Variants in RAD51B observed in about 807,000 individuals in gnomAD.
RAD51B encodes DNA repair protein RAD51 homolog 2.
In RAD51B, 38 loss-of-function variants were observed where a neutral mutation model predicts 42.2. The observed-to-expected ratio is 0.90, with a 90% CI of 0.70 to 1.18. The LOEUF is 1.18. RAD51B is among the 50% of genes most tolerant of loss of function. The probability of loss-of-function intolerance (pLI) is 0.00; values close to 1 mark genes in which losing one functional copy is unlikely to be tolerated. For missense variants in RAD51B, 373 were observed against 400.7 expected (o/e 0.93, Z 0.59); for synonymous variants, 154 against 145.2 (o/e 1.06, Z -0.43).
At chr14:68,164,865 T>G (rs989922153) in intron 7 of RAD51B, among the ~76,000 whole-genome samples, 2 of 152,210 alleles carry the variant, frequency 1.3e-5, no homozygotes, top group African/African-American at 4.8e-5. Flanking sequence ...TAATTTTATT[T>G]TCAGTAAACA....
chr14:68,372,808 C>T (rs2083289802), intron 8 of RAD51B, among the ~76,000 whole-genome samples: 3 of 152,190 alleles, frequency 2.0e-5, no homozygotes, highest in Admixed American at 2.0e-4. Context: ...AGAAAACTAA[C>T]AGCATTTGAG....
intron 3 of RAD51B, among the ~76,000 whole-genome samples, chr14:67,828,860 A>G (rs2040927628): frequency 6.6e-6 from 1 of 152,194 alleles, no homozygotes; most frequent in Admixed American, 6.5e-5. Context: ...TTTTTGTATC[A>G]GTACCATACT....
chr14:68,520,104 AAAAC>A (rs58074457), intron 10 of RAD51B, among the ~76,000 whole-genome samples: 52 of 151,826 alleles, frequency 3.4e-4, no homozygotes, highest in Middle Eastern at 3.4e-3. Flanking sequence ...CAGCCAAAAC[AAAAC>A]AAACAAACAA....
At chr14:68,293,999 G>T (rs1457152178) in intron 8 of RAD51B, among the ~76,000 whole-genome samples, 1 of 152,148 alleles carries the variant, frequency 6.6e-6, no homozygotes, top group Non-Finnish European at 1.5e-5. Flanking sequence ...GTTAAAAATT[G>T]TTATAATTAT....
At chr14:68,044,858 G>A (rs2076273579) in intron 7 of RAD51B, among the ~76,000 whole-genome samples, 1 of 152,026 alleles carries the variant, frequency 6.6e-6, no homozygotes, top group Non-Finnish European at 1.5e-5. Flanking sequence ...TTACTGAACT[G>A]TAATCTCTGT....
intron 4 of RAD51B, among the ~76,000 whole-genome samples, chr14:67,839,368 C>G (rs2041351392): frequency 6.6e-6 from 1 of 152,016 alleles, no homozygotes; most frequent in African/African-American, 2.4e-5. Flanking sequence ...GATTATAGGA[C>G]TACTCAGATT....
chr14:68,266,387 G>A (rs1292329002), intron 7 of RAD51B, among the ~76,000 whole-genome samples: 4 of 152,162 alleles, frequency 2.6e-5, no homozygotes, highest in Admixed American at 2.0e-4. Flanking sequence ...AACTTTGCAA[G>A]CCCTGTTTGT....
Position 67,824,004 on chromosome 14 carries a change from A to G in RAD51B, c.84+377A>G, listed in dbSNP as rs192209697. Among the ~76,000 whole-genome samples the G allele has an allele frequency of 1.6e-4, 24 of 152,372 alleles. No homozygotes were observed. In the East Asian group the frequency reaches 4.4e-3, roughly 28 times the overall value. ...CTTATTGATGGAGCATGAGAAATATATAGAGCGGATCTTGCATTTTTAAGC... is the reference window on the plus strand; with the variant it reads ...CTTATTGATGGAGCATGAGAAATATGTAGAGCGGATCTTGCATTTTTAAGC... On this transcript the variant is annotated intron_variant, in intron 2 of 10. Coordinates refer to ENST00000471583, the MANE Select transcript of RAD51B (RefSeq NM_133510.4).
intron 7 of RAD51B, among the ~76,000 whole-genome samples, chr14:68,109,340 G>A (rs1479994790): frequency 6.6e-6 from 1 of 151,940 alleles, no homozygotes; most frequent in Non-Finnish European, 1.5e-5. Flanking sequence ...CTTATGGTAT[G>A]AATTCATACA....
chr14:68,107,889 A>G (rs2077400106), intron 7 of RAD51B, among the ~76,000 whole-genome samples: 1 of 151,840 alleles, frequency 6.6e-6, no homozygotes. Flanking sequence ...GTGACCTTGA[A>G]AGACAGTCCA....
chr14:68,657,336 TC>T (rs1239537208), intron 11 of RAD51B, among the ~76,000 whole-genome samples: 5 of 152,182 alleles, frequency 3.3e-5, no homozygotes, highest in Admixed American at 6.5e-5. Context: ...AGACTCAGTT[TC>T]CCCGTCATTT....
At chr14:68,070,018 G>T (rs773086007) in intron 7 of RAD51B, among the ~76,000 whole-genome samples, 10 of 152,048 alleles carry the variant, frequency 6.6e-5, no homozygotes, top group Admixed American at 1.3e-4. Context: ...GTTTTGATTT[G>T]CATTTCCCTA....
chr14:68,188,947 G>A (rs776381034), intron 7 of RAD51B, among the ~76,000 whole-genome samples: 4 of 151,748 alleles, frequency 2.6e-5, no homozygotes, highest in Admixed American at 2.6e-4. Flanking sequence ...AAACTCGTAT[G>A]TTTATAGCTC....
chr14:68,381,683 A>G (rs895648342), intron 8 of RAD51B, among the ~76,000 whole-genome samples: 5 of 152,136 alleles, frequency 3.3e-5, no homozygotes, highest in African/African-American at 7.2e-5. Context: ...CCGTCTCAAA[A>G]TAAATAAATA....
chr14:68,468,801 C>T (rs896155996), intron 10 of RAD51B, among the ~76,000 whole-genome samples: 2 of 152,174 alleles, frequency 1.3e-5, no homozygotes, highest in African/African-American at 4.8e-5. Flanking sequence ...CACCTTGTGA[C>T]GTGAGCCCAG....
At chr14:68,062,232 A>G (rs1374045530) in intron 7 of RAD51B, among the ~76,000 whole-genome samples, 1 of 152,166 alleles carries the variant, frequency 6.6e-6, no homozygotes, top group Admixed American at 6.5e-5. Context: ...TCTTGCATCC[A>G]TGGAACAAAT....
At chr14:68,135,721 T>G (rs1291035213) in intron 7 of RAD51B, among the ~76,000 whole-genome samples, 1 of 152,066 alleles carries the variant, frequency 6.6e-6, no homozygotes, top group East Asian at 1.9e-4. Flanking sequence ...GTGGTTACAT[T>G]CCATTAAGAT....
chr14:68,567,159 C>T (rs1385026618), intron 10 of RAD51B, among the ~76,000 whole-genome samples: 1 of 152,042 alleles, frequency 6.6e-6, no homozygotes, highest in Non-Finnish European at 1.5e-5. Flanking sequence ...ATTAGCTGGG[C>T]GCAGTGGCAG....
At chr14:68,011,723 A>T (rs1281185088) in intron 7 of RAD51B, among the ~76,000 whole-genome samples, 1 of 152,030 alleles carries the variant, frequency 6.6e-6, no homozygotes, top group Non-Finnish European at 1.5e-5. Context: ...TAAGAAGTTT[A>T]TTTATATGTT....
Sources: allele counts gnomAD v4.1 joint callset (sites outside exome capture counted in the v4.1 genomes callset), GRCh38; gene constraint gnomAD v4.1.1; transcripts MANE v1.5; gene names NCBI Gene and HGNC (gene_info 2026-07-23, HGNC 2026-07-21).